Variants in CNTN6 observed in about 807,000 individuals in gnomAD.
CNTN6 encodes contactin 6.
A neutral mutation model predicts 122.8 loss-of-function variants in CNTN6; 137 were observed. The ratio of observed to expected loss-of-function variants is 1.12; its 90% CI spans 0.97 to 1.29. The LOEUF is 1.29. Among genes scored for constraint, CNTN6 ranks in the 50% most tolerant of loss-of-function variants. The probability of loss-of-function intolerance (pLI) is 0.00; values close to 1 mark genes in which losing one functional copy is unlikely to be tolerated. For missense variants in CNTN6, 1,634 were observed against 1,223.4 expected (o/e 1.34, Z -5.01); for synonymous variants, 570 against 426.0 (o/e 1.34, Z -4.16).
chr3:1,106,434 T>C (rs2091225211), intron 1 of CNTN6, among the ~76,000 whole-genome samples: 1 of 151,660 alleles, frequency 6.6e-6, no homozygotes, highest in Non-Finnish European at 1.5e-5. Flanking sequence ...CCAAAGAGAG[T>C]TTTTGGAACA....
chr3:1,351,132 C>A lies in CNTN6; in HGVS notation c.1365-1192C>A, dbSNP rs1346466037. Among the ~76,000 whole-genome samples the A allele has an allele frequency of 2.0e-5, 3 of 151,992 alleles. No individual in the cohort carries two copies. The East Asian group carries it at 5.8e-4, about 29-fold the overall frequency. The stretch of plus-strand genomic sequence containing the variant: ...ACTCACTGATAACAGAATTTGGAAT[C>A]TGTTATTAATAATAAATCCAACGTC... On this transcript the variant is annotated intron_variant, in intron 11 of 22. Coordinates refer to ENST00000446702, the MANE Select transcript of CNTN6 (RefSeq NM_001289080.2).
At chr3:1,230,235 A>C (rs2094336961) in intron 4 of CNTN6, among the ~76,000 whole-genome samples, 1 of 152,178 alleles carries the variant, frequency 6.6e-6, no homozygotes, top group Admixed American at 6.5e-5. Flanking sequence ...GTGAGTTCAA[A>C]TTCTTTTTGT....
At chr3:1,230,583 T>C (rs545105769) in intron 4 of CNTN6, among the ~76,000 whole-genome samples, 1 of 152,246 alleles carries the variant, frequency 6.6e-6, no homozygotes, top group Non-Finnish European at 1.5e-5. Context: ...ATATAATACA[T>C]GTGCTTTGAC....
At position 1,115,792 on chromosome 3, in the gene CNTN6, G is replaced by A. The variant is rs2091696035; in HGVS notation, c.-83+22672G>A. ...ATAAACAAACAAAAGAACACCAACA[G>A]AGAATAAGAAAGAATTTGAGGACGT... is the stretch of plus-strand genomic sequence containing the variant. On this transcript the variant is annotated intron_variant, in intron 1 of 22. Transcript: ENST00000446702. Among the ~76,000 whole-genome samples the A allele has an allele frequency of 3.9e-5, 6 of 151,992 alleles. No individual in the cohort carries two copies. In the South Asian group the frequency reaches 1.2e-3, roughly 32 times the overall value.
At chr3:1,369,551 A>G (rs1708699124) in intron 12 of CNTN6, among the ~76,000 whole-genome samples, 1 of 152,202 alleles carries the variant, frequency 6.6e-6, no homozygotes, top group Non-Finnish European at 1.5e-5. Flanking sequence ...TAAAGCTTTC[A>G]TCATTATTAC....
At chr3:1,210,591 G>C (rs1479288201) in intron 2 of CNTN6, among the ~76,000 whole-genome samples, 7 of 152,154 alleles carry the variant, frequency 4.6e-5, no homozygotes, top group Non-Finnish European at 1.0e-4. Flanking sequence ...AGCTTTTATA[G>C]TACTGAAAGT....
chr3:1,167,319 G>A (rs1468862779), intron 2 of CNTN6, among the ~76,000 whole-genome samples: 1 of 151,902 alleles, frequency 6.6e-6, no homozygotes, highest in Non-Finnish European at 1.5e-5. Context: ...CCAATTTCTT[G>A]TACTAGAGAT....
At chr3:1,249,726 C>T (rs963645871) in intron 4 of CNTN6, among the ~76,000 whole-genome samples, 8 of 152,070 alleles carry the variant, frequency 5.3e-5, no homozygotes, top group Admixed American at 5.2e-4. Flanking sequence ...ATTATATAAC[C>T]CTCCTGTAAT....
rs141892587 is a variant in CNTN6, at chr3:1,099,703, A to G, written c.-83+6583A>G. Among the ~76,000 whole-genome samples, 42 of 152,234 alleles carry G rather than the reference A, an allele frequency of 2.8e-4. No individual in the cohort carries two copies. In the East Asian group the frequency reaches 6.6e-3, roughly 24 times the overall value. Reference sequence around the variant, plus strand: ...TGTTATTTCTGGTCTCAGAATTCCTATGTTTCAACAAATGTACTTAATTCA... The same window carrying G: ...TGTTATTTCTGGTCTCAGAATTCCTGTGTTTCAACAAATGTACTTAATTCA... On this transcript the variant is annotated intron_variant, in intron 1 of 22. Coordinates refer to ENST00000446702, the MANE Select transcript of CNTN6 (RefSeq NM_001289080.2).
intron 2 of CNTN6, among the ~76,000 whole-genome samples, chr3:1,215,984 C>T (rs7644569): frequency 0.3 from 46,246 of 151,940 alleles, 11,037 homozygotes; most frequent in African/African-American, 0.67. Flanking sequence ...ATTTCTTTTT[C>T]AATGAATTGT....
intron 2 of CNTN6, among the ~76,000 whole-genome samples, chr3:1,172,620 CTGTGTG>C (rs3836248): frequency 0.039 from 5,786 of 150,272 alleles, 165 homozygotes; most frequent in South Asian, 0.1. Flanking sequence ...CAATAACTCT[CTGTGTG>C]TGTGTGTGTG....
chr3:1,372,403 T>A lies in CNTN6; in HGVS notation c.1597T>A (p.Phe533Ile), dbSNP rs1709169199. Residue 533 changes from phenylalanine (F) to isoleucine (I), a missense_variant, in exon 13 of 23, where the codon TTT becomes ATT. Physicochemically the swap from Phe to Ile is conservative, Grantham distance 21. Coordinates refer to ENST00000446702, the MANE Select transcript of CNTN6 (RefSeq NM_001289080.2). ...VSHDPSIEVVFVWFFNGDVID... is the reference protein window; with the variant it reads ...VSHDPSIEVVIVWFFNGDVID... ...CCATGACCCCTCCATTGAAGTGGTA[T>A]TTGTATGGTTTTTCAATGGAGATGT... The A allele has an allele frequency of 6.2e-7, 1 of 1,612,948 alleles. No individual in the cohort carries two copies. The highest frequency in any genetic ancestry group is 1.1e-5 in the South Asian group (1 of 91,016).
intron 2 of CNTN6, among the ~76,000 whole-genome samples, chr3:1,215,647 T>C (rs916893381): frequency 2.0e-5 from 3 of 152,220 alleles, no homozygotes; most frequent in Non-Finnish European, 4.4e-5. Flanking sequence ...TTATGTTTTC[T>C]TTTAGATTGA....
At chr3:1,291,822 A>G (rs1036993929) in intron 5 of CNTN6, among the ~76,000 whole-genome samples, 2 of 152,140 alleles carry the variant, frequency 1.3e-5, no homozygotes, top group Admixed American at 6.6e-5. Flanking sequence ...ATGATGAAAG[A>G]CTCCAATAGA....
intron 2 of CNTN6, among the ~76,000 whole-genome samples, chr3:1,208,873 T>C (rs898662248): frequency 1.3e-5 from 2 of 152,190 alleles, no homozygotes; most frequent in African/African-American, 4.8e-5. Flanking sequence ...GCTTCTTGAA[T>C]GTAATCCACT....
chr3:1,331,319 C>T (rs1702254016), intron 11 of CNTN6, among the ~76,000 whole-genome samples: 1 of 151,884 alleles, frequency 6.6e-6, no homozygotes, highest in Admixed American at 6.6e-5. Flanking sequence ...AGAACCAAAA[C>T]TTAATAAATA....
intron 19 of CNTN6, among the ~76,000 whole-genome samples, chr3:1,383,696 T>A (rs78660982): frequency 0.052 from 7,957 of 152,232 alleles, 252 homozygotes; most frequent in African/African-American, 0.077. Context: ...GGCAGCAGTG[T>A]TACAGTTTTG....
intron 5 of CNTN6, among the ~76,000 whole-genome samples, chr3:1,291,694 G>A (rs1342139659): frequency 1.3e-5 from 2 of 152,066 alleles, no homozygotes; most frequent in Non-Finnish European, 2.9e-5. Flanking sequence ...TTACTCTCTA[G>A]ATGACTCTGA....
At position 1,383,420 on chromosome 3, in the gene CNTN6, TA is replaced by T. The variant is rs1559984524; in HGVS notation, c.2517+14del. The T allele has an allele frequency of 4.4e-6, 7 of 1,603,396 alleles. No homozygotes were observed. The highest frequency in any genetic ancestry group is 6.0e-6 in the Non-Finnish European group (7 of 1,170,448). On this transcript the variant is annotated intron_variant, in intron 19 of 22. Coordinates refer to ENST00000446702, the MANE Select transcript of CNTN6 (RefSeq NM_001289080.2). ...TGCTGGGCTATGAGGTAATCCACAT[TA>T]ATTTCACTTTTGCTTATGAATGTGC...
Sources: gnomAD v4.1 joint callset for allele counts (sites outside exome capture counted in the v4.1 genomes callset) on GRCh38, gnomAD v4.1.1 for gene constraint, MANE v1.5 for transcripts, NCBI Gene and HGNC (gene_info 2026-07-23, HGNC 2026-07-21) for gene names.